MAMDC4: variants seen among roughly 807,000 people sequenced by gnomAD.
MAMDC4 encodes MAM domain containing 4.
Under a neutral mutation model 153.3 loss-of-function variants are expected in MAMDC4, and 168 were observed. The observed-to-expected ratio is 1.10, with a 90% CI of 0.97 to 1.25. The LOEUF is 1.25. Ranked by LOEUF, MAMDC4 falls within the 50% of genes most tolerant of loss-of-function variation. The pLI is 0.00. For synonymous variants in MAMDC4, 744 were observed against 651.5 expected, an observed-to-expected ratio of 1.14 and a Z score of -2.16; for missense variants, 1,701 against 1,542.8, an observed-to-expected ratio of 1.10 and a Z score of -1.72.
In MAMDC4 at chr9:136,854,302, C is replaced by G; in HGVS notation, c.762C>G (p.Cys254Trp). 1 of 1,596,716 alleles carries G rather than the reference C, an allele frequency of 6.3e-7. No individual in the cohort carries two copies. The highest frequency in any genetic ancestry group is 8.5e-7 in the Non-Finnish European group (1 of 1,172,390). Residue 254 changes from cysteine (C) to tryptophan (W), a missense_variant, in exon 7 of 27, where the codon TGC becomes TGG. Cys to Trp is a radical substitution (Grantham distance 215). Transcript: ENST00000317446. Reference sequence around the variant, plus strand: ...AGCTGTGCGACGGGGAAGACAACTGCGGGGACCTGTCTGATGAGAACCCAC... The same window carrying G: ...AGCTGTGCGACGGGGAAGACAACTGGGGGGACCTGTCTGATGAGAACCCAC... ...PQQLCDGEDNCGDLSDENPLT... is the reference protein window; with the variant it reads ...PQQLCDGEDNWGDLSDENPLT...
At position 136,855,475 on chromosome 9, in the gene MAMDC4, GC is replaced by G; in HGVS notation, c.1333del (p.Gln445SerfsTer98). ...QPLPPGPRAP[A>X]PQPLPPSSRL... ...GCTGCCTCCTGGGCCCCGGGCCCCA[GC>G]CCCCCAGCCCCTGCCGCCCAGCTCG... On this transcript the variant is annotated frameshift_variant, in exon 12 of 27. Transcript: ENST00000317446. LOFTEE classifies it high-confidence loss of function. 1 of 1,604,518 alleles carries G rather than the reference GC, an allele frequency of 6.2e-7. No homozygotes were observed. The highest frequency in any genetic ancestry group is 8.5e-7 in the Non-Finnish European group (1 of 1,176,222).
chr9:136,858,671 G>A (rs1044975549), intron 22 of MAMDC4, 48 bp from the exon 23 acceptor site: 2 of 1,608,580 alleles, frequency 1.2e-6, no homozygotes, highest in Non-Finnish European at 1.7e-6. Context: ...CGGGCCCTGA[G>A]GGCTGGCTCT....
chr9:136,855,099 T>C lies in MAMDC4; in HGVS notation c.1186T>C (p.Tyr396His). 3 of 1,578,010 alleles carry C rather than the reference T, an allele frequency of 1.9e-6. No homozygotes were observed. Among genetic ancestry groups the C allele is most frequent in the Non-Finnish European group, 2.6e-6 (3 of 1,162,346 alleles). The change falls in exon 10 of 27, where the codon TAC becomes CAC. Residue 396 changes from tyrosine to histidine, a missense_variant. Tyr to His is a moderately conservative substitution (Grantham distance 83, BLOSUM62 2). Coordinates refer to ENST00000317446, the MANE Select transcript of MAMDC4 (RefSeq NM_206920.3). Reference protein sequence around the residue: ...VRDRVDIQSAYPFQILLAGQT... With the variant: ...VRDRVDIQSAHPFQILLAGQT... ...AGACCGTGTTGACATCCAGAGCGCC[T>C]ACCCCTTCCAGGTAGGGAACAGCAA...
intron 13 of MAMDC4, 23 bp downstream of exon 13, chr9:136,855,871 C>T (rs560882721): frequency 6.8e-7 from 1 of 1,480,330 alleles, no homozygotes; most frequent in Admixed American, 2.4e-5. Flanking sequence ...GCCCAAGGCT[C>T]AAGCCCCCGC....
Position 136,857,104 on chromosome 9 carries a change from G to A in MAMDC4, c.1973-61G>A, listed in dbSNP as rs138146548. On this transcript the variant is annotated intron_variant, in intron 16 of 26. Transcript: ENST00000317446. ...GGCCCCCGGGGGTTCAGAGTCCCCC[G>A]CTCTGACACCCATCAAGGCACAGGA... The A allele has an allele frequency of 9.7e-4, 1,554 of 1,604,302 alleles. 16 individuals carry two copies. In the African/African-American group the frequency reaches 0.018, roughly 18 times the overall value.
intron 25 of MAMDC4, 164 bp from the exon 26 acceptor site, chr9:136,859,722 C>A: frequency 1.4e-6 from 1 of 691,430 alleles, no homozygotes; most frequent in Non-Finnish European, 2.4e-6. Flanking sequence ...GCCTGTCTGC[C>A]AGGCCCCATC....
intron 26 of MAMDC4, 36 bp from the exon 27 acceptor site, chr9:136,860,526 A>C: frequency 6.3e-7 from 1 of 1,597,360 alleles, no homozygotes; most frequent in Non-Finnish European, 8.5e-7. Context: ...CGTCTCAGGA[A>C]AGAAAGAAAA....
intron 26 of MAMDC4, 108 bp from the exon 27 acceptor site, chr9:136,860,454 G>A: frequency 8.5e-7 from 1 of 1,176,380 alleles, no homozygotes; most frequent in Non-Finnish European, 1.2e-6. Context: ...CAGGGAGGCA[G>A]GGGTTGCAGT....
intron 10 of MAMDC4, 39 bp from the exon 11 acceptor site, chr9:136,855,215 G>T (rs752562987): frequency 1.9e-6 from 3 of 1,577,688 alleles, no homozygotes; most frequent in South Asian, 1.2e-5. Context: ...ACCCCAGGGG[G>T]AAATAGGCTG....
At position 136,856,932 on chromosome 9, in the gene MAMDC4, A is replaced by G. The variant is rs1228734228; in HGVS notation, c.1863A>G (p.Thr621=). The G allele has an allele frequency of 6.2e-7, 1 of 1,610,330 alleles. No individual in the cohort carries two copies. Among genetic ancestry groups the G allele is most frequent in the East Asian group, 2.2e-5 (1 of 44,830 alleles). The change falls in exon 16 of 27, where the codon ACA becomes ACG. Residue 621 remains threonine, a synonymous_variant. Coordinates refer to ENST00000317446, the MANE Select transcript of MAMDC4 (RefSeq NM_206920.3). The part of the protein sequence containing the change: ...GQGHFVLLDP[T]DPLAWGHSAH... Reference sequence around the variant, plus strand: ...GCCACTTTGTGCTCCTGGACCCCACAGACCCCCTGGCCTGGGGCCACAGTG... The same window carrying G: ...GCCACTTTGTGCTCCTGGACCCCACGGACCCCCTGGCCTGGGGCCACAGTG...
chr9:136,855,193 G>A (rs939027827), intron 10 of MAMDC4, 61 bp from the exon 11 acceptor site: 2 of 1,580,028 alleles, frequency 1.3e-6, no homozygotes, highest in African/African-American at 2.7e-5. Flanking sequence ...ACTGCGGGTG[G>A]ACAGGGACCA....
intron 25 of MAMDC4, 169 bp from the exon 26 acceptor site, chr9:136,859,713 CCTGT>C: frequency 3.0e-6 from 2 of 656,214 alleles, no homozygotes; most frequent in Non-Finnish European, 5.2e-6. Context: ...ACAGCAGCTG[CCTGT>C]CTGCCAGGCC....
chr9:136,854,207 CCAGCCCCCCA>C lies in MAMDC4; in HGVS notation c.671-3_677del. The C allele has an allele frequency of 1.2e-6, 2 of 1,612,092 alleles. No homozygotes were observed. The highest frequency in any genetic ancestry group is 1.7e-6 in the Non-Finnish European group (2 of 1,179,706). On this transcript the variant is annotated splice_acceptor_variant and splice_polypyrimidine_tract_variant and coding_sequence_variant and intron_variant, in exon 7 of 27. Coordinates refer to ENST00000317446, the MANE Select transcript of MAMDC4 (RefSeq NM_206920.3). LOFTEE classifies it high-confidence loss of function. ...CGGTGAAGGGTTAACCCTGCCCCAC[CCAGCCCCCCA>C]GGCCAACTGTCCCCCGGGACACCAC... is the stretch of plus-strand genomic sequence containing the variant.
Position 136,858,508 on chromosome 9 carries a change from C to A in MAMDC4, c.2783C>A (p.Pro928His). The part of the protein sequence containing the change: ...WGGGATPSRY[P>H]QPPVDHTLGT... ...GGGGGAGCCACCCCCTCTCGTTACC[C>A]CCAGCCCCCTGTGGACCACACCCTG... Residue 928 changes from proline to histidine, a missense_variant, in exon 22 of 27, where the codon CCC (proline) becomes CAC (histidine). Physicochemically the swap from Pro to His is moderately conservative, Grantham distance 77. Coordinates refer to ENST00000317446, the MANE Select transcript of MAMDC4 (RefSeq NM_206920.3). 1 of 1,603,022 alleles carries A rather than the reference C, an allele frequency of 6.2e-7. No individual in the cohort carries two copies. Among genetic ancestry groups the A allele is most frequent in the Non-Finnish European group, 8.5e-7 (1 of 1,175,874 alleles).
intron 9 of MAMDC4, 33 bp from the exon 10 acceptor site, chr9:136,854,904 G>GT (rs1453496178): frequency 6.2e-7 from 1 of 1,612,414 alleles, no homozygotes; most frequent in African/African-American, 1.3e-5. Flanking sequence ...GGCTGCCCCG[G>GT]TGCAGGCCCC....
rs371688887 is a variant in MAMDC4 at position 136,854,696 on chromosome 9, C to A, written c.934+20C>A. On this transcript the variant is annotated intron_variant, in intron 8 of 26. Coordinates refer to ENST00000317446, the MANE Select transcript of MAMDC4 (RefSeq NM_206920.3). ...CACAGGGTGAGGCCCACAGAGGACC[C>A]GGCCCAGGCCCTGCCCACGCAGCCA... 8 of 1,611,086 alleles carry A rather than the reference C, an allele frequency of 5.0e-6. No homozygotes were observed. In the Admixed American group the frequency reaches 5.0e-5, roughly 10 times the overall value.
In MAMDC4 at chr9:136,855,492, G is replaced by A. The variant is rs749609447; in HGVS notation, c.1344G>A (p.Pro448=). Residue 448 remains proline, a synonymous_variant, in exon 12 of 27, where the codon CCG becomes CCA. Coordinates refer to ENST00000317446, the MANE Select transcript of MAMDC4 (RefSeq NM_206920.3). The part of the protein sequence containing the change: ...GPRAPAPQPL[P]PSSRLQDSCK... ...GGGCCCCAGCCCCCCAGCCCCTGCCGCCCAGCTCGCGGCTCCAGGATTCCT... is the reference window on the plus strand; with the variant it reads ...GGGCCCCAGCCCCCCAGCCCCTGCCACCCAGCTCGCGGCTCCAGGATTCCT... 6.5e-5 allele frequency: 104 copies of A among 1,597,998 alleles called. No homozygotes were observed. Among genetic ancestry groups the A allele is most frequent in the South Asian group, 9.0e-5 (8 of 89,286 alleles).
chr9:136,854,144 CCT>C (rs1588391412), intron 6 of MAMDC4, 65 bp from the exon 7 acceptor site: 1 of 1,610,626 alleles, frequency 6.2e-7, no homozygotes, highest in Non-Finnish European at 8.5e-7. Context: ...CTGCTCAGAC[CCT>C]GTCTGCCCCC....
chr9:136,858,903 T>A (rs1459208517), intron 23 of MAMDC4, 50 bp downstream of exon 23: 1 of 1,574,984 alleles, frequency 6.3e-7, no homozygotes, highest in Non-Finnish European at 8.6e-7. Flanking sequence ...GCAGCAGGGG[T>A]CCAGGAGCAG....
Sources: allele counts gnomAD v4.1 joint callset, GRCh38; gene constraint gnomAD v4.1.1; transcripts MANE v1.5; gene names NCBI Gene and HGNC (gene_info 2026-07-23, HGNC 2026-07-21).